The following DMXL2 variants were observed in gnomAD, a reference collection of about 807,000 sequenced individuals.
DMXL2 encodes the protein dmX-like protein 2.
In DMXL2, 103 loss-of-function variants were observed where a neutral mutation model predicts 331.1. The ratio of observed to expected loss-of-function variants is 0.31; its 90% CI spans 0.27 to 0.37. The LOEUF is 0.37. Ranked by LOEUF, DMXL2 falls within the 10% of genes least tolerant of loss-of-function variation. DMXL2 has a pLI of 1.00. For synonymous variants in DMXL2, 1,281 were observed against 1,252.1 expected (o/e 1.02, Z -0.49); for missense variants, 3,171 against 3,642.9 (o/e 0.87, Z 3.33).
intron 3 of DMXL2, chr15:51,567,060 T>TTTTTTTTTA (rs397955281): frequency 1.3e-5 from 2 of 149,834 alleles, no homozygotes. Context: ...TTTTTTTTTT[T>TTTTTTTTTA]GAGATGGAGT....
At position 51,606,246 on chromosome 15, in the gene DMXL2, C is replaced by T. The variant is rs979621547; in HGVS notation, c.87+16213G>A. ...TGTGAGATGGGAGTTTTGTTCTTGTCGCCCAGGCTGGAGTGCAGTGGCGCG... is the reference window on the plus strand; with the variant it reads ...TGTGAGATGGGAGTTTTGTTCTTGTTGCCCAGGCTGGAGTGCAGTGGCGCG... On this transcript the variant is annotated intron_variant, in intron 1 of 43. Coordinates refer to ENST00000560891, the MANE Select transcript of DMXL2 (RefSeq NM_001378457.1). Among the ~76,000 whole-genome samples the T allele has an allele frequency of 4.6e-5, 7 of 152,052 alleles. No homozygotes were observed. The East Asian group carries it at 1.4e-3, about 29-fold the overall frequency.
rs1216220798 is a variant in DMXL2 at position 51,460,025 on chromosome 15, G to A, written c.7927-365C>T. 5 of 980,466 alleles carry A rather than the reference G, an allele frequency of 5.1e-6. No homozygotes were observed. In the South Asian group the frequency reaches 1.4e-4, roughly 28 times the overall value. 60.7% of individuals were successfully genotyped at this position (980,466 alleles called of 1,614,324 possible). On this transcript the variant is annotated intron_variant, in intron 33 of 43. Coordinates refer to ENST00000560891, the MANE Select transcript of DMXL2 (RefSeq NM_001378457.1). ...GCTACATAAATTCCTGCCCTATAGG[G>A]GTTGATTTAAAATACAAATTAAAAT...
intron 43 of DMXL2, 116 bp downstream of exon 43, chr15:51,450,013 T>TCCATGCAGTAGCC: frequency 1.1e-6 from 1 of 909,446 alleles, no homozygotes; most frequent in Non-Finnish European, 1.7e-6. Context: ...ATGCAGTATC[T>TCCATGCAGTAGCC]CCATGCAGTA....
intron 1 of DMXL2, among the ~76,000 whole-genome samples, chr15:51,582,672 G>C (rs532668586): frequency 7.5e-6 from 1 of 132,584 alleles, no homozygotes. Context: ...TTCTAAAAAG[G>C]ACAAATAGGT....
chr15:51,459,386 A>G (rs1270195120), intron 34 of DMXL2, among the ~76,000 whole-genome samples: 1 of 152,200 alleles, frequency 6.6e-6, no homozygotes, highest in Non-Finnish European at 1.5e-5. Context: ...TGAAGATGGG[A>G]CAGGGAGCAA....
intron 1 of DMXL2, among the ~76,000 whole-genome samples, chr15:51,604,727 C>T: frequency 6.6e-6 from 1 of 152,028 alleles, no homozygotes; most frequent in Non-Finnish European, 1.5e-5. Context: ...TTTTTTGTAG[C>T]TATGGACAAA....
chr15:51,464,070 AGATT>A (rs1217180399), intron 32 of DMXL2, among the ~76,000 whole-genome samples: 1 of 152,200 alleles, frequency 6.6e-6, no homozygotes, highest in East Asian at 1.9e-4. Context: ...TTGCATATAT[AGATT>A]GTTAGAAAAA....
intron 23 of DMXL2, among the ~76,000 whole-genome samples, chr15:51,485,055 A>G (rs2042293839): frequency 6.6e-6 from 1 of 150,966 alleles, no homozygotes; most frequent in Non-Finnish European, 1.5e-5. Context: ...AAAAAAAGGA[A>G]GAAGGAGGAA....
Position 51,449,174 on chromosome 15 carries a change from T to C in DMXL2, c.8987A>G (p.His2996Arg), listed in dbSNP as rs1463762876. 3.1e-6 allele frequency: 5 copies of C among 1,614,008 alleles called. No individual in the cohort carries two copies. Among genetic ancestry groups the C allele is most frequent in the Non-Finnish European group, 4.2e-6 (5 of 1,179,984 alleles). The part of the protein sequence containing the change: ...GNIKVWRLTG[H>R]GLIHSFKSEH... ...ACTTTTAAATGAATGAATTAGGCCA[T>C]GGCCTGTCAATCTCCAAACCTAGTG... Residue 2996 changes from histidine to arginine, a missense_variant, in exon 44 of 44, where the codon CAT becomes CGT. His to Arg is a conservative substitution (Grantham distance 29). Around this residue, in one of 7 missense-constraint regions of DMXL2, gnomAD observed 766 missense variants for 940.5 expected, o/e 0.81. Coordinates refer to ENST00000560891, the MANE Select transcript of DMXL2 (RefSeq NM_001378457.1).
rs775507364 is a variant in DMXL2 at position 51,537,675 on chromosome 15, T to A, written c.1430A>T (p.Tyr477Phe). 6.2e-7 allele frequency: 1 copy of A among 1,613,912 alleles called. No individual in the cohort carries two copies. The highest frequency in any genetic ancestry group is 8.5e-7 in the Non-Finnish European group (1 of 1,179,888). The change falls in exon 11 of 44, where the codon TAC (tyrosine) becomes TTC (phenylalanine). Residue 477 changes from tyrosine to phenylalanine, a missense_variant. Transcript: ENST00000560891. The stretch of plus-strand genomic sequence containing the variant: ...TGGCATTGGTACACTAAGTCGTGAG[T>A]AAGTTCTAGGACTTCCTTCTCTTTC... ...DGEREGSPRTYSRLSVPMPLP... is the reference protein window; with the variant it reads ...DGEREGSPRTFSRLSVPMPLP...
chr15:51,556,495 G>A (rs866191350), intron 6 of DMXL2, among the ~76,000 whole-genome samples: 58 of 152,030 alleles, frequency 3.8e-4, no homozygotes, highest in African/African-American at 1.3e-3. Context: ...AAAGATGGCC[G>A]GGCACAGTGG....
intron 2 of DMXL2, among the ~76,000 whole-genome samples, chr15:51,575,749 G>A (rs2050982477): frequency 6.6e-6 from 1 of 152,020 alleles, no homozygotes; most frequent in Admixed American, 6.6e-5. Context: ...GAAGAAAAAA[G>A]TTTACTTCCC....
chr15:51,497,131 TC>T (rs1482695541), intron 18 of DMXL2, among the ~76,000 whole-genome samples: 5 of 152,208 alleles, frequency 3.3e-5, no homozygotes, highest in African/African-American at 1.2e-4. Flanking sequence ...AGAATCTCAT[TC>T]AACTGCATAC....
intron 20 of DMXL2, 89 bp from the exon 21 acceptor site, chr15:51,488,734 G>T: frequency 8.7e-7 from 1 of 1,143,016 alleles, no homozygotes; most frequent in Non-Finnish European, 1.2e-6. Context: ...CTACTTCCAT[G>T]GCTGATAGAA....
At chr15:51,456,701 A>C (rs772864269) in intron 37 of DMXL2, among the ~76,000 whole-genome samples, 2 of 152,214 alleles carry the variant, frequency 1.3e-5, no homozygotes, top group Non-Finnish European at 2.9e-5. Context: ...CCCTCCAGCT[A>C]CAGTGACAAG....
At chr15:51,521,839 T>C (rs2047399266) in intron 13 of DMXL2, among the ~76,000 whole-genome samples, 1 of 152,212 alleles carries the variant, frequency 6.6e-6, no homozygotes, top group African/African-American at 2.4e-5. Context: ...TATTCTTCCA[T>C]GTACTATAAG....
At chr15:51,570,981 A>T (rs1167554200) in intron 2 of DMXL2, among the ~76,000 whole-genome samples, 1 of 152,228 alleles carries the variant, frequency 6.6e-6, no homozygotes, top group Admixed American at 6.5e-5. Context: ...ATTAAAAGAC[A>T]CAGACTGGCA....
At chr15:51,576,715 C>T (rs2051073648) in intron 1 of DMXL2, among the ~76,000 whole-genome samples, 1 of 152,132 alleles carries the variant, frequency 6.6e-6, no homozygotes, top group Non-Finnish European at 1.5e-5. Flanking sequence ...AACTTAAATG[C>T]ATCAAGACTC....
intron 1 of DMXL2, among the ~76,000 whole-genome samples, chr15:51,601,722 C>T (rs1262559674): frequency 2.0e-5 from 3 of 152,120 alleles, no homozygotes; most frequent in Non-Finnish European, 4.4e-5. Context: ...CTTATCTATT[C>T]TTGGCACTAT....
Sources: gnomAD v4.1 joint callset for allele counts (sites outside exome capture counted in the v4.1 genomes callset) on GRCh38, gnomAD v4.1.1 for gene constraint, gnomAD v4.1.1 regional missense constraint, MANE v1.5 for transcripts, NCBI Gene and HGNC (gene_info 2026-07-23, HGNC 2026-07-21) for gene names.